GOLM2: variants seen among roughly 807,000 people sequenced by gnomAD.
GOLM2 encodes the protein golgi membrane protein 2.
A neutral mutation model predicts 55.9 loss-of-function variants in GOLM2; 26 were observed. That is an observed-to-expected ratio of 0.47 (90% confidence interval 0.34 to 0.65). The LOEUF (loss-of-function observed/expected upper bound fraction) is 0.65, where lower values mean the gene tolerates loss of function less well. GOLM2 is among the 30% of genes least tolerant of loss of function. GOLM2 has a pLI of 0.01. For missense variants in GOLM2, 486 were observed against 531.8 expected (o/e 0.91, Z 0.85); for synonymous variants, 165 against 194.6 (o/e 0.85, Z 1.27).
At chr15:44,370,120 A>G (rs974245857) in intron 6 of GOLM2, among the ~76,000 whole-genome samples, 8 of 152,258 alleles carry the variant, frequency 5.3e-5, no homozygotes, top group Admixed American at 4.6e-4. Context: ...GTTGATTAGA[A>G]TTTGCCCATC....
intron 8 of GOLM2, among the ~76,000 whole-genome samples, chr15:44,386,995 C>T (rs1183209651): frequency 6.6e-6 from 1 of 151,634 alleles, no homozygotes; most frequent in Non-Finnish European, 1.5e-5. Context: ...GGCAACATGG[C>T]AAAACCCTGT....
intron 8 of GOLM2, among the ~76,000 whole-genome samples, chr15:44,392,505 A>C (rs886255616): frequency 4.0e-5 from 6 of 151,738 alleles, no homozygotes; most frequent in African/African-American, 1.5e-4. Flanking sequence ...CACATATAGT[A>C]CCAGCTACTT....
intron 6 of GOLM2, among the ~76,000 whole-genome samples, chr15:44,339,904 C>T (rs1188751929): frequency 1.3e-5 from 2 of 152,142 alleles, no homozygotes; most frequent in South Asian, 2.1e-4. Flanking sequence ...ACTGCAGCCT[C>T]GATCTCCCGG....
At chr15:44,323,932 G>C (rs1361285955) in intron 2 of GOLM2, among the ~76,000 whole-genome samples, 1 of 152,128 alleles carries the variant, frequency 6.6e-6, no homozygotes, top group Non-Finnish European at 1.5e-5. Flanking sequence ...AAAATAAGTT[G>C]TTGATTTCCT....
rs895623812 is a variant in GOLM2 at position 44,304,230 on chromosome 15, CTTTTTTTTTTTTTTTTTTT to C, written c.327+14885_327+14903del. ...TCAGTCACGTCTTCAGGCTCCACTT[CTTTTTTTTTTTTTTTTTTT>C]TTTTTTTTTTGAGACAGAGTTTCAC... On this transcript the variant is annotated intron_variant, in intron 1 of 9. Coordinates refer to ENST00000299957, the MANE Select transcript of GOLM2 (RefSeq NM_138423.4). Among the ~76,000 whole-genome samples the C allele has an allele frequency of 1.3e-3, 104 of 82,926 alleles. 1 individual carries two copies. The East Asian group carries it at 0.037, about 30-fold the overall frequency. 54.4% of individuals were successfully genotyped at this position (82,926 alleles called of 152,430 possible). A position where few individuals can be genotyped will look rare whatever the true frequency, so the allele number is the denominator to read the frequency against.
chr15:44,351,576 CAAAAAA>C (rs1175016633), intron 6 of GOLM2, among the ~76,000 whole-genome samples: 1 of 45,904 alleles, frequency 2.2e-5, no homozygotes, highest in Non-Finnish European at 4.2e-5. Flanking sequence ...GACTCTGTCT[CAAAAAA>C]AAAAAAAAAA....
chr15:44,351,308 G>T (rs1343093756), intron 6 of GOLM2, among the ~76,000 whole-genome samples: 4 of 152,120 alleles, frequency 2.6e-5, no homozygotes, highest in Non-Finnish European at 5.9e-5. Flanking sequence ...CAGGTGTGGT[G>T]GCTCACGCCT....
At chr15:44,368,873 A>T (rs1312818394) in intron 6 of GOLM2, among the ~76,000 whole-genome samples, 1 of 148,138 alleles carries the variant, frequency 6.8e-6, no homozygotes, top group Non-Finnish European at 1.5e-5. Flanking sequence ...GCTTTTTTGT[A>T]TGTCTAGTAA....
chr15:44,358,495 G>C (rs978604980), intron 6 of GOLM2, among the ~76,000 whole-genome samples: 8 of 152,148 alleles, frequency 5.3e-5, no homozygotes, highest in Non-Finnish European at 4.4e-5. Flanking sequence ...AGACAGTATG[G>C]TATTGGTCAA....
At chr15:44,413,082 G>A (rs1021828599) in intron 9 of GOLM2, among the ~76,000 whole-genome samples, 1 of 151,324 alleles carries the variant, frequency 6.6e-6, no homozygotes, top group Non-Finnish European at 1.5e-5. Flanking sequence ...TACTAGTTAT[G>A]TCTATCTGGC....
At chr15:44,361,470 C>A (rs1231775855) in intron 6 of GOLM2, among the ~76,000 whole-genome samples, 1 of 152,118 alleles carries the variant, frequency 6.6e-6, no homozygotes, top group Non-Finnish European at 1.5e-5. Flanking sequence ...TTCCTCGACA[C>A]ATACACTCTC....
chr15:44,295,764 G>T (rs1419136363), intron 1 of GOLM2, among the ~76,000 whole-genome samples: 1 of 152,024 alleles, frequency 6.6e-6, no homozygotes, highest in Non-Finnish European at 1.5e-5. Flanking sequence ...AAAAGGATAC[G>T]AGTCATATTG....
At chr15:44,359,887 G>A (rs1036736643) in intron 6 of GOLM2, among the ~76,000 whole-genome samples, 9 of 152,156 alleles carry the variant, frequency 5.9e-5, no homozygotes, top group Admixed American at 4.6e-4. Context: ...AAGAGAGTGG[G>A]GGCCAATATT....
chr15:44,332,073 C>A lies in GOLM2; in HGVS notation c.571C>A (p.Gln191Lys). 1 of 1,527,962 alleles carries A rather than the reference C, an allele frequency of 6.5e-7. No individual in the cohort carries two copies. The highest frequency in any genetic ancestry group is 9.0e-7 in the Non-Finnish European group (1 of 1,117,126). 94.7% of individuals were successfully genotyped at this position (1,527,962 alleles called of 1,614,324 possible). Residue 191 changes from glutamine (Q) to lysine (K), a missense_variant, in exon 4 of 10, where the codon CAA (glutamine) becomes AAA (lysine). Transcript: ENST00000299957. ...GTTAGCAGACCAGTTTTTAGAGGAA[C>A]AAAAGGTAAATTTTAAAAATATACT... Reference protein sequence around the residue: ...KKLADQFLEEQKQETQKIQSN... With the variant: ...KKLADQFLEEKKQETQKIQSN...
chr15:44,338,283 GAA>G lies in GOLM2; in HGVS notation c.769_770del (p.Asn257Ter). 1 of 1,613,816 alleles carries G rather than the reference GAA, an allele frequency of 6.2e-7. No homozygotes were observed. The highest frequency in any genetic ancestry group is 8.5e-7 in the Non-Finnish European group (1 of 1,179,828). ...GDAGMPGIEE[N>X]DLAKVDDLPP... ...ATGCAGGGATGCCTGGAATAGAAGA[GAA>G]TGACCTAGCAAAAGTTGATGATCTT... On this transcript the variant is annotated frameshift_variant, in exon 6 of 10. Coordinates refer to ENST00000299957, the MANE Select transcript of GOLM2 (RefSeq NM_138423.4). LOFTEE classifies it high-confidence loss of function.
At chr15:44,399,441 G>A (rs1407896281) in intron 8 of GOLM2, among the ~76,000 whole-genome samples, 4 of 152,054 alleles carry the variant, frequency 2.6e-5, no homozygotes, top group Non-Finnish European at 5.9e-5. Flanking sequence ...GGGCAATTGT[G>A]TCATTATTCA....
chr15:44,350,923 C>G (rs2079157424), intron 6 of GOLM2, among the ~76,000 whole-genome samples: 1 of 152,160 alleles, frequency 6.6e-6, no homozygotes, highest in African/African-American at 2.4e-5. Flanking sequence ...TAAAATTTAA[C>G]ATCTCTTCAT....
intron 9 of GOLM2, among the ~76,000 whole-genome samples, chr15:44,409,005 C>T (rs776158506): frequency 1.3e-5 from 2 of 152,026 alleles, no homozygotes; most frequent in Non-Finnish European, 2.9e-5. Flanking sequence ...AGGACGGGCA[C>T]GGTGGCTCAT....
intron 8 of GOLM2, among the ~76,000 whole-genome samples, chr15:44,393,884 G>C (rs142672794): frequency 2.0e-5 from 3 of 152,242 alleles, no homozygotes; most frequent in African/African-American, 7.2e-5. Flanking sequence ...TTAGAGATGA[G>C]GTTTCACTAT....
Sources: gnomAD v4.1 joint callset for allele counts (sites outside exome capture counted in the v4.1 genomes callset) on GRCh38, gnomAD v4.1.1 for gene constraint, MANE v1.5 for transcripts, NCBI Gene and HGNC (gene_info 2026-07-23, HGNC 2026-07-21) for gene names.